KCNT2: variants seen among roughly 807,000 people sequenced by gnomAD.
KCNT2 encodes potassium channel subfamily T member 2.
KCNT2 carries 67 observed loss-of-function variants against 153.8 expected under a neutral mutation model. That is an observed-to-expected ratio of 0.44 (90% CI 0.36 to 0.53). The LOEUF is 0.53. KCNT2 is among the 20% of genes least tolerant of loss of function. The probability of loss-of-function intolerance (pLI) is 0.00; values close to 1 mark genes in which losing one functional copy is unlikely to be tolerated. For missense variants in KCNT2, 975 were observed against 1,354.8 expected (o/e 0.72, Z 4.40); for synonymous variants, 500 against 458.8 (o/e 1.09, Z -1.15).
At chr1:196,233,097 A>G (rs1272205826) in intron 27 of KCNT2, among the ~76,000 whole-genome samples, 1 of 151,456 alleles carries the variant, frequency 6.6e-6, no homozygotes, top group Non-Finnish European at 1.5e-5. Flanking sequence ...TTATCATAAT[A>G]TACTATGTGA....
At chr1:196,394,890 T>C (rs1026907364) in intron 13 of KCNT2, among the ~76,000 whole-genome samples, 1 of 151,448 alleles carries the variant, frequency 6.6e-6, no homozygotes, top group Non-Finnish European at 1.5e-5. Context: ...AATGACAGCT[T>C]TTTAATATGT....
chr1:196,475,561 T>G (rs796806939), intron 5 of KCNT2, among the ~76,000 whole-genome samples: 8 of 151,686 alleles, frequency 5.3e-5, no homozygotes, highest in African/African-American at 1.9e-4. Flanking sequence ...GTAGAGACAA[T>G]CACGCCACTG....
At chr1:196,288,737 C>T (rs1403716712) in intron 22 of KCNT2, among the ~76,000 whole-genome samples, 2 of 152,022 alleles carry the variant, frequency 1.3e-5, no homozygotes, top group African/African-American at 4.8e-5. Context: ...GATAATGAGG[C>T]AGATGATTGC....
At chr1:196,529,929 T>C (rs1165948227) in intron 1 of KCNT2, among the ~76,000 whole-genome samples, 1 of 152,108 alleles carries the variant, frequency 6.6e-6, no homozygotes, top group Non-Finnish European at 1.5e-5. Context: ...ATGTTAATTT[T>C]AACATCCATT....
chr1:196,415,733 G>T (rs1437405625), intron 12 of KCNT2, among the ~76,000 whole-genome samples: 1 of 151,756 alleles, frequency 6.6e-6, no homozygotes, highest in African/African-American at 2.4e-5. Flanking sequence ...AAGGAGCAGA[G>T]ATACTGTACC....
intron 14 of KCNT2, among the ~76,000 whole-genome samples, chr1:196,349,461 T>C (rs1054112998): frequency 6.6e-6 from 1 of 152,116 alleles, no homozygotes; most frequent in Non-Finnish European, 1.5e-5. Flanking sequence ...TTGTTTTCTA[T>C]GAAGATGGTA....
chr1:196,543,336 T>A (rs1391556918), intron 1 of KCNT2, among the ~76,000 whole-genome samples: 1 of 152,128 alleles, frequency 6.6e-6, no homozygotes, highest in Non-Finnish European at 1.5e-5. Context: ...TAAAGTTTAA[T>A]CTCAGTAAAA....
At chr1:196,247,182 A>G (rs1655531995) in intron 26 of KCNT2, among the ~76,000 whole-genome samples, 1 of 152,218 alleles carries the variant, frequency 6.6e-6, no homozygotes, top group African/African-American at 2.4e-5. Context: ...CTATAAAAAG[A>G]GACAAAGGTC....
At chr1:196,275,651 G>T (rs1289056277) in intron 25 of KCNT2, among the ~76,000 whole-genome samples, 1 of 151,858 alleles carries the variant, frequency 6.6e-6, no homozygotes, top group Non-Finnish European at 1.5e-5. Context: ...ATGGAAAGAT[G>T]ACAGGCTGGA....
intron 27 of KCNT2, among the ~76,000 whole-genome samples, chr1:196,230,351 T>G: frequency 6.6e-6 from 1 of 152,028 alleles, no homozygotes; most frequent in Non-Finnish European, 1.5e-5. Context: ...CATAGTTTAC[T>G]GAAAATGTTA....
intron 18 of KCNT2, among the ~76,000 whole-genome samples, chr1:196,329,148 T>C (rs1235201013): frequency 6.6e-6 from 1 of 152,102 alleles, no homozygotes; most frequent in Non-Finnish European, 1.5e-5. Flanking sequence ...GCCCCACTGA[T>C]ACTGACACAG....
intron 1 of KCNT2, among the ~76,000 whole-genome samples, chr1:196,511,311 G>A (rs944470220): frequency 6.6e-6 from 1 of 152,062 alleles, no homozygotes; most frequent in Non-Finnish European, 1.5e-5. Context: ...TTTCTGTTTT[G>A]ACAGGCCAGA....
chr1:196,331,748 T>C (rs1664485713), intron 17 of KCNT2, among the ~76,000 whole-genome samples: 1 of 152,220 alleles, frequency 6.6e-6, no homozygotes, highest in Non-Finnish European at 1.5e-5. Context: ...AAATAAATAG[T>C]AATGGTAATT....
chr1:196,585,001 C>T (rs766805480), intron 1 of KCNT2, among the ~76,000 whole-genome samples: 1 of 151,988 alleles, frequency 6.6e-6, no homozygotes, highest in Non-Finnish European at 1.5e-5. Flanking sequence ...GTGTTCTGCT[C>T]AGAACAAGGA....
intron 8 of KCNT2, among the ~76,000 whole-genome samples, chr1:196,460,795 T>G (rs1379074066): frequency 6.6e-6 from 1 of 151,768 alleles, no homozygotes; most frequent in Non-Finnish European, 1.5e-5. Flanking sequence ...ATTATGCAGA[T>G]TATATTGAAT....
chr1:196,281,008 T>C lies in KCNT2; in HGVS notation c.2782-20A>G, dbSNP rs750966815. 5.1e-5 allele frequency: 80 copies of C among 1,581,722 alleles called. No individual in the cohort carries two copies. Among genetic ancestry groups the C allele is most frequent in the Non-Finnish European group, 6.8e-5 (79 of 1,155,232 alleles). The stretch of plus-strand genomic sequence containing the variant: ...TTTCATCTATAACACACACAAATTA[T>C]TTACATATTAAATGTGTCAGAAATA... On this transcript the variant is annotated intron_variant, in intron 24 of 27. Transcript: ENST00000294725.
intron 1 of KCNT2, among the ~76,000 whole-genome samples, chr1:196,568,943 G>A (rs1388759396): frequency 1.3e-5 from 2 of 152,094 alleles, no homozygotes; most frequent in African/African-American, 2.4e-5. Flanking sequence ...GCTCTCTTGT[G>A]ATAACTTTCT....
intron 1 of KCNT2, among the ~76,000 whole-genome samples, chr1:196,581,819 CT>C (rs1214029667): frequency 6.6e-5 from 10 of 152,060 alleles, no homozygotes; most frequent in Admixed American, 5.2e-4. Context: ...GTTTTGAAAA[CT>C]AAGTCTTTCA....
At chr1:196,319,823 G>A (rs898287209) in intron 19 of KCNT2, among the ~76,000 whole-genome samples, 1 of 151,560 alleles carries the variant, frequency 6.6e-6, no homozygotes, top group African/African-American at 2.4e-5. Flanking sequence ...CAAAAATACA[G>A]AATTGATATT....
Sources: gnomAD v4.1 joint callset for allele counts (sites outside exome capture counted in the v4.1 genomes callset) on GRCh38, gnomAD v4.1.1 for gene constraint, MANE v1.5 for transcripts, NCBI Gene and HGNC (gene_info 2026-07-23, HGNC 2026-07-21) for gene names.